ZBBX: variants seen among roughly 807,000 people sequenced by gnomAD.
The protein encoded by ZBBX is zinc finger B-box domain-containing protein 1.
A neutral mutation model predicts 108.5 loss-of-function variants in ZBBX; 101 were observed. The ratio of observed to expected loss-of-function variants is 0.93; its 90% confidence interval spans 0.79 to 1.10. The LOEUF is 1.10. Ranked by LOEUF, ZBBX falls within the 50% of genes least tolerant of loss-of-function variation. The pLI is 0.00. For synonymous variants in ZBBX, 356 were observed against 323.4 expected, an observed-to-expected ratio of 1.10 and a Z score of -1.08; for missense variants, 1,009 against 941.4, an observed-to-expected ratio of 1.07 and a Z score of -0.94.
the ZBBX span, among the ~76,000 whole-genome samples, chr3:167,198,133 A>C: frequency 6.6e-6 from 1 of 152,138 alleles, no homozygotes; most frequent in Admixed American, 6.5e-5. Flanking sequence ...GCAAGTACCC[A>C]AAATAGATGA....
chr3:167,330,216 G>T (rs1738193182), intron 10 of ZBBX, among the ~76,000 whole-genome samples: 1 of 152,098 alleles, frequency 6.6e-6, no homozygotes, highest in Admixed American at 6.6e-5. Flanking sequence ...GAAAAAAAAT[G>T]CAGAGCAAAC....
the ZBBX span, among the ~76,000 whole-genome samples, chr3:167,213,307 A>G: frequency 6.6e-6 from 1 of 152,232 alleles, no homozygotes; most frequent in Non-Finnish European, 1.5e-5. Context: ...ATAAAGTGAT[A>G]CCAGAGCTGA....
chr3:167,332,837 C>T (rs964104910), intron 10 of ZBBX, among the ~76,000 whole-genome samples: 1 of 152,098 alleles, frequency 6.6e-6, no homozygotes. Context: ...ATCAATTCTA[C>T]CTTTGGCAAT....
In ZBBX at chr3:167,333,849, A is replaced by G. The variant is rs1275206619; in HGVS notation, c.665T>C (p.Leu222Pro). 1 of 1,608,646 alleles carries G rather than the reference A, an allele frequency of 6.2e-7. No individual in the cohort carries two copies. Among genetic ancestry groups the G allele is most frequent in the South Asian group, 1.1e-5 (1 of 90,142 alleles). ...SKIQHKPKSV[L>P]LQRSSSEVEI... is the part of the protein sequence containing the mutation. ...TACCTCAGAGCTGCTCCTCTGGAGA[A>G]GTACAGATTTGGGTTTATGTTGAAT... The change falls in exon 10 of 22, where the codon CTT becomes CCT. Residue 222 changes from leucine to proline, a missense_variant. Leu to Pro is a moderately conservative substitution (Grantham distance 98). Transcript: ENST00000675490.
At chr3:167,365,816 A>C in intron 6 of ZBBX, 70 bp downstream of exon 6, 1 of 1,097,570 alleles carries the variant, frequency 9.1e-7, no homozygotes, top group African/African-American at 1.6e-5. Context: ...TATAGAAGAA[A>C]ATGCAAGACC....
intron 10 of ZBBX, among the ~76,000 whole-genome samples, chr3:167,330,945 T>TTCTCTCTCTCTCTCTCTCTCTCTC (rs151154237): frequency 0.055 from 4,744 of 86,828 alleles, 354 homozygotes; most frequent in East Asian, 0.082. Flanking sequence ...CTCTCTTTCT[T>TTCTCTCTCTCTCTCTCTCTCTCTC]TCTCTCTCTC....
At chr3:167,374,039 A>C (rs1746574277) in intron 2 of ZBBX, among the ~76,000 whole-genome samples, 2 of 152,206 alleles carry the variant, frequency 1.3e-5, no homozygotes, top group Non-Finnish European at 2.9e-5. Context: ...AAGGCTATAA[A>C]AGTATACCAA....
At chr3:167,314,707 C>T (rs1245856038) in intron 15 of ZBBX, among the ~76,000 whole-genome samples, 1 of 152,116 alleles carries the variant, frequency 6.6e-6, no homozygotes, top group South Asian at 2.1e-4. Context: ...TTGTGTCACT[C>T]GTGATCTCCA....
intron 20 of ZBBX, among the ~76,000 whole-genome samples, chr3:167,277,677 A>T (rs538821072): frequency 4.5e-4 from 68 of 152,146 alleles, no homozygotes; most frequent in Middle Eastern, 6.8e-3. Context: ...ACTGTCAACA[A>T]TAGACAGATC....
At chr3:167,390,396 T>C (rs1748051333) in intron 1 of ZBBX, among the ~76,000 whole-genome samples, 1 of 152,074 alleles carries the variant, frequency 6.6e-6, no homozygotes, top group Non-Finnish European at 1.5e-5. Context: ...ACTTGTAGTA[T>C]AGTTTGAAGT....
upstream of ZBBX, among the ~76,000 whole-genome samples, chr3:167,382,180 T>C (rs1243542866): frequency 6.6e-6 from 1 of 152,182 alleles, no homozygotes; most frequent in Non-Finnish European, 1.5e-5. Flanking sequence ...GAACATTATC[T>C]TATATTTAGA....
chr3:167,321,870 G>A (rs182501758), intron 12 of ZBBX, among the ~76,000 whole-genome samples: 1 of 151,610 alleles, frequency 6.6e-6, no homozygotes, highest in Non-Finnish European at 1.5e-5. Context: ...TTCTGCATTT[G>A]CGCCTTTTCC....
chr3:167,339,569 T>C (rs530086526), intron 9 of ZBBX, among the ~76,000 whole-genome samples: 16 of 152,270 alleles, frequency 1.1e-4, no homozygotes, highest in Admixed American at 1.0e-3. Flanking sequence ...CAAAGCACCA[T>C]AGGATTTGAG....
At chr3:167,407,079 C>T (rs892989921) in intron 1 of ZBBX, among the ~76,000 whole-genome samples, 9 of 152,072 alleles carry the variant, frequency 5.9e-5, no homozygotes, top group African/African-American at 2.2e-4. Flanking sequence ...TAATGCTTGC[C>T]CAGTCTGCTG....
At chr3:167,396,069 T>C (rs1417033541) in intron 1 of ZBBX, among the ~76,000 whole-genome samples, 2 of 152,052 alleles carry the variant, frequency 1.3e-5, no homozygotes, top group East Asian at 3.9e-4. Context: ...ATTGTTTTCC[T>C]GGCAAAATTT....
At chr3:167,338,787 C>A (rs13082123) in intron 9 of ZBBX, among the ~76,000 whole-genome samples, 1 of 151,792 alleles carries the variant, frequency 6.6e-6, no homozygotes, top group Non-Finnish European at 1.5e-5. Flanking sequence ...GAGAGAGATA[C>A]ACACATATAC....
At chr3:167,367,532 T>C (rs1462973554) in intron 5 of ZBBX, among the ~76,000 whole-genome samples, 1 of 151,656 alleles carries the variant, frequency 6.6e-6, no homozygotes, top group Non-Finnish European at 1.5e-5. Context: ...TAAGATATAT[T>C]AAGTAAAATA....
downstream of ZBBX, among the ~76,000 whole-genome samples, chr3:167,235,258 A>G (rs1020853664): frequency 6.6e-6 from 1 of 151,716 alleles, no homozygotes; most frequent in Non-Finnish European, 1.5e-5. Context: ...TAAAATGTGC[A>G]TCTGCTCATT....
At chr3:167,208,300 G>T in the ZBBX span, among the ~76,000 whole-genome samples, 1 of 152,224 alleles carries the variant, frequency 6.6e-6, no homozygotes, top group East Asian at 1.9e-4. Flanking sequence ...AGTGGACTTG[G>T]GGGCATGTGA....
Sources: allele counts gnomAD v4.1 joint callset (sites outside exome capture counted in the v4.1 genomes callset), GRCh38; gene constraint gnomAD v4.1.1; transcripts MANE v1.5; gene names NCBI Gene and HGNC (gene_info 2026-07-23, HGNC 2026-07-21).